SPON1: variants seen among roughly 807,000 people sequenced by gnomAD.
SPON1 encodes the protein spondin 1.
In SPON1, 52 loss-of-function variants were observed where a neutral mutation model predicts 111.7. That is an observed-to-expected ratio of 0.47 (90% CI 0.37 to 0.59). The LOEUF (loss-of-function observed/expected upper bound fraction) is 0.59. Among genes scored for constraint, SPON1 ranks in the 20% least tolerant of loss-of-function variants. SPON1 has a pLI of 0.00. For synonymous variants in SPON1, 410 were observed against 395.8 expected, an observed-to-expected ratio of 1.04 and a Z score of -0.43; for missense variants, 957 against 1,068.5, an observed-to-expected ratio of 0.90 and a Z score of 1.46.
rs375025737 is a variant in SPON1 at position 14,035,266 on chromosome 11, G to A, written c.346-6255G>A. On this transcript the variant is annotated intron_variant, in intron 2 of 15. Coordinates refer to ENST00000576479, the MANE Select transcript of SPON1 (RefSeq NM_006108.4). ...ATAGGGGAAAGAGCATGGACATTAT[G>A]GCCAAGTAGGGCTGACCTCAAGCCC... Among the ~76,000 whole-genome samples, 29 of 152,202 alleles carry A rather than the reference G, an allele frequency of 1.9e-4. 1 individual carries two copies. In the South Asian group the frequency reaches 5.8e-3, roughly 31 times the overall value.
At chr11:13,992,919 T>C (rs1461854632) in intron 2 of SPON1, among the ~76,000 whole-genome samples, 3 of 152,084 alleles carry the variant, frequency 2.0e-5, no homozygotes, top group Non-Finnish European at 4.4e-5. Flanking sequence ...ATGAACCAGG[T>C]ACCTCAGTTG....
intron 6 of SPON1, among the ~76,000 whole-genome samples, chr11:14,225,876 A>C (rs1469644895): frequency 6.6e-6 from 1 of 152,214 alleles, no homozygotes; most frequent in African/African-American, 2.4e-5. Context: ...ATTTTTCAGC[A>C]CCATGTTCTA....
At chr11:14,011,992 G>A (rs1554913784) in intron 2 of SPON1, among the ~76,000 whole-genome samples, 1 of 152,172 alleles carries the variant, frequency 6.6e-6, no homozygotes, top group Non-Finnish European at 1.5e-5. Flanking sequence ...GGGTGTGAGG[G>A]CTGCAATGCA....
At chr11:14,193,035 A>G (rs782080934) in intron 6 of SPON1, among the ~76,000 whole-genome samples, 2 of 152,240 alleles carry the variant, frequency 1.3e-5, no homozygotes, top group Non-Finnish European at 2.9e-5. Context: ...CGGATAAATT[A>G]CAACACAGAA....
intron 5 of SPON1, among the ~76,000 whole-genome samples, chr11:14,091,627 G>T (rs1471269907): frequency 1.4e-5 from 2 of 142,708 alleles, no homozygotes; most frequent in South Asian, 4.5e-4. Context: ...TCCGAGTGCG[G>T]AGCCCGCCAA....
chr11:14,256,507 A>G, intron 9 of SPON1, 110 bp from the exon 10 acceptor site: 1 of 702,536 alleles, frequency 1.4e-6, no homozygotes, highest in Non-Finnish European at 2.4e-6. Flanking sequence ...TTGCCATGGC[A>G]TACGATTTGT....
At chr11:14,191,005 ACTTGG>A (rs1848342659) in intron 6 of SPON1, among the ~76,000 whole-genome samples, 1 of 151,474 alleles carries the variant, frequency 6.6e-6, no homozygotes, top group African/African-American at 2.4e-5. Context: ...CAATCCCATC[ACTTGG>A]TATATAAAGA....
intron 3 of SPON1, among the ~76,000 whole-genome samples, chr11:14,055,686 G>GC (rs782510476): frequency 1.6e-4 from 24 of 152,162 alleles, no homozygotes; most frequent in Non-Finnish European, 2.8e-4. Context: ...TCCTCTCCCT[G>GC]CCTTTGCCTC....
At chr11:14,084,910 CT>C (rs1165157529) in intron 5 of SPON1, among the ~76,000 whole-genome samples, 1 of 152,144 alleles carries the variant, frequency 6.6e-6, no homozygotes, top group Non-Finnish European at 1.5e-5. Context: ...TGATGATGAG[CT>C]TTTTTTCATA....
chr11:14,042,361 A>G (rs1223827958), intron 3 of SPON1, among the ~76,000 whole-genome samples: 2 of 151,666 alleles, frequency 1.3e-5, no homozygotes, highest in Non-Finnish European at 2.9e-5. Flanking sequence ...GATTCATAAT[A>G]CTAGCATAAT....
At chr11:14,138,462 CA>C (rs1554928392) in intron 6 of SPON1, among the ~76,000 whole-genome samples, 1 of 152,020 alleles carries the variant, frequency 6.6e-6, no homozygotes, top group African/African-American at 2.4e-5. Flanking sequence ...GAATTATTGG[CA>C]GTAGTGACAC....
At chr11:13,987,094 G>C (rs1848191351) in intron 2 of SPON1, among the ~76,000 whole-genome samples, 1 of 152,132 alleles carries the variant, frequency 6.6e-6, no homozygotes, top group African/African-American at 2.4e-5. Context: ...TGGGATCGCT[G>C]GGTCAAATGG....
intron 2 of SPON1, among the ~76,000 whole-genome samples, chr11:14,025,191 G>A (rs961075308): frequency 6.6e-6 from 1 of 152,178 alleles, no homozygotes; most frequent in Non-Finnish European, 1.5e-5. Flanking sequence ...CAAGGCTCCT[G>A]CCCCCATGGA....
chr11:14,174,874 C>G (rs112058811), intron 6 of SPON1, among the ~76,000 whole-genome samples: 1 of 152,164 alleles, frequency 6.6e-6, no homozygotes, highest in Admixed American at 6.5e-5. Flanking sequence ...CTGACTTTAT[C>G]CATGCCAAGT....
intron 6 of SPON1, among the ~76,000 whole-genome samples, chr11:14,168,936 A>G (rs989517912): frequency 6.6e-6 from 1 of 152,116 alleles, no homozygotes; most frequent in Non-Finnish European, 1.5e-5. Context: ...AGTCATTGCT[A>G]TCGTTAACAG....
In SPON1 at chr11:13,996,948, ATTTTC is replaced by A. The variant is rs1203060918; in HGVS notation, c.345+14004_345+14008del. ...ATTATTGGCAAGATAGGTGGTTCTA[ATTTTC>A]TTTTCTTTACTTTTATATAAAACAC... On this transcript the variant is annotated intron_variant, in intron 2 of 15. Coordinates refer to ENST00000576479, the MANE Select transcript of SPON1 (RefSeq NM_006108.4). 3.9e-5 allele frequency among the ~76,000 whole-genome samples: 6 copies of A among 152,170 alleles called. 1 individual carries two copies. The highest frequency in any genetic ancestry group is 3.9e-4 in the East Asian group (2 of 5,180).
intron 6 of SPON1, among the ~76,000 whole-genome samples, chr11:14,185,014 A>G (rs1848271637): frequency 6.6e-6 from 1 of 152,150 alleles, no homozygotes; most frequent in Admixed American, 6.5e-5. Flanking sequence ...CCCCATCTCC[A>G]TTCATACCCA....
chr11:13,994,573 T>A (rs1301206973), intron 2 of SPON1, among the ~76,000 whole-genome samples: 3 of 152,166 alleles, frequency 2.0e-5, no homozygotes, highest in Non-Finnish European at 4.4e-5. Flanking sequence ...TTGAGCAGGT[T>A]AAATCGATAG....
At chr11:14,021,198 C>T in intron 2 of SPON1, among the ~76,000 whole-genome samples, 1 of 152,018 alleles carries the variant, frequency 6.6e-6, no homozygotes, top group East Asian at 1.9e-4. Context: ...CAATTATAAG[C>T]CACAGGAGGG....
Sources: allele counts gnomAD v4.1 joint callset (sites outside exome capture counted in the v4.1 genomes callset), GRCh38; gene constraint gnomAD v4.1.1; transcripts MANE v1.5; gene names NCBI Gene and HGNC (gene_info 2026-07-23, HGNC 2026-07-21).